The following RBFOX1 variants were observed in gnomAD, a reference collection of about 807,000 sequenced individuals.
The protein encoded by RBFOX1 is RNA binding fox-1 homolog 1.
Under a neutral mutation model 57.7 loss-of-function variants are expected in RBFOX1, and 8 were observed. That is an observed-to-expected ratio of 0.14 (90% confidence interval 0.08 to 0.25). The LOEUF (loss-of-function observed/expected upper bound fraction) is 0.25. Ranked by LOEUF, RBFOX1 falls within the 10% of genes least tolerant of loss-of-function variation. RBFOX1 has a pLI of 1.00. For missense variants in RBFOX1, 611 were observed against 548.5 expected (o/e 1.11, Z -1.14); for synonymous variants, 326 against 222.4 (o/e 1.47, Z -4.15).
chr16:6,741,842 G>T (rs368432175), intron 3 of RBFOX1, among the ~76,000 whole-genome samples: 11 of 152,090 alleles, frequency 7.2e-5, no homozygotes, highest in African/African-American at 2.7e-4. Flanking sequence ...AAGGGTAAAG[G>T]GTTAGAGAAA....
intron 4 of RBFOX1, among the ~76,000 whole-genome samples, chr16:7,145,812 C>T (rs545829212): frequency 1.3e-5 from 2 of 152,106 alleles, no homozygotes; most frequent in Admixed American, 6.5e-5. Flanking sequence ...TTTGTGTTCC[C>T]GCACACACAC....
At position 6,069,398 on chromosome 16, in the gene RBFOX1, C is replaced by CAAA. The variant is rs34337622; in HGVS notation, c.-127+49422_-127+49424dup. The stretch of plus-strand genomic sequence containing the variant: ...GGGCAACAAGAGCGAAACTCTGCCT[C>CAAA]AAAAAAAAAAAAAAAAAAGGGAGGG... On this transcript the variant is annotated intron_variant, in intron 1 of 15. Transcript: ENST00000550418. Among the ~76,000 whole-genome samples, 163 of 113,918 alleles carry CAAA rather than the reference C, an allele frequency of 1.4e-3. 1 individual carries two copies. Among genetic ancestry groups the CAAA allele is most frequent in the African/African-American group, 3.2e-3 (96 of 29,584 alleles). 74.7% of individuals were successfully genotyped at this position (113,918 alleles called of 152,430 possible).
chr16:7,312,717 C>T lies in RBFOX1; in HGVS notation c.28-205430C>T, dbSNP rs573192575. Among the ~76,000 whole-genome samples the T allele has an allele frequency of 7.2e-5, 11 of 152,264 alleles. No homozygotes were observed. The South Asian group carries it at 1.7e-3, about 23-fold the overall frequency. ...AAAATTGTCTTGCTCTTGTCAGTAG[C>T]GAAGTTATTTACTTTCAAAAGCTGA... On this transcript the variant is annotated intron_variant, in intron 4 of 15. Transcript: ENST00000550418.
chr16:6,141,428 T>A (rs2096715163), intron 1 of RBFOX1, among the ~76,000 whole-genome samples: 2 of 152,160 alleles, frequency 1.3e-5, no homozygotes, highest in South Asian at 4.1e-4. Flanking sequence ...CCCCCTGGGT[T>A]ATCTGTTAGG....
At chr16:7,005,298 C>T (rs544890436) in intron 3 of RBFOX1, among the ~76,000 whole-genome samples, 3 of 152,170 alleles carry the variant, frequency 2.0e-5, no homozygotes, top group Non-Finnish European at 4.4e-5. Flanking sequence ...CCATTCCAGT[C>T]ATCTTCCTCC....
In RBFOX1 at chr16:5,403,812, T is replaced by C. The variant is rs541554386; in HGVS notation, c.220-63404T>C. On this transcript the variant is annotated intron_variant, in intron 1 of 2. Transcript: ENST00000585867. ...AATCCCCACTGCTCTATTCAGTGATTTCCTGCCTCACTCCTGGGTCCCAAC... is the reference window on the plus strand; with the variant it reads ...AATCCCCACTGCTCTATTCAGTGATCTCCTGCCTCACTCCTGGGTCCCAAC... 5.9e-5 allele frequency among the ~76,000 whole-genome samples: 9 copies of C among 152,238 alleles called. No individual in the cohort carries two copies. The South Asian group carries it at 6.2e-4, about 11-fold the overall frequency.
intron 2 of RBFOX1, among the ~76,000 whole-genome samples, chr16:6,414,485 A>G (rs570133690): frequency 2.6e-5 from 4 of 152,330 alleles, no homozygotes; most frequent in Admixed American, 6.5e-5. Flanking sequence ...GTTGGGAGAG[A>G]GGCAGATATT....
intron 5 of RBFOX1, among the ~76,000 whole-genome samples, chr16:7,567,258 T>TATATATCC (rs1567864839): frequency 8.8e-5 from 12 of 136,128 alleles, no homozygotes; most frequent in East Asian, 6.3e-4. Context: ...TCCCTATATA[T>TATATATCC]ATATATCCCT....
Position 5,830,134 on chromosome 16 carries a change from C to G in RBFOX1, c.319-37169C>G, listed in dbSNP as rs9922593. ...TGGGCTGCAATGCTCATTTGCAAAT[C>G]GTCCTGGATACATTGGCAGCTCAGG... On this transcript the variant is annotated intron_variant, in intron 3 of 19. Transcript: ENST00000641259. 1.5e-3 allele frequency among the ~76,000 whole-genome samples: 236 copies of G among 152,286 alleles called. 1 individual carries two copies. Among genetic ancestry groups the G allele is most frequent in the African/African-American group, 5.5e-3 (227 of 41,554 alleles).
At chr16:7,648,129 G>A (rs2064128781) in intron 11 of RBFOX1, among the ~76,000 whole-genome samples, 2 of 152,194 alleles carry the variant, frequency 1.3e-5, no homozygotes, top group African/African-American at 4.8e-5. Flanking sequence ...GTGTGCATGT[G>A]TGTATTTTGC....
chr16:7,265,407 GTTTTC>G (rs1174743491), intron 4 of RBFOX1, among the ~76,000 whole-genome samples: 10 of 151,300 alleles, frequency 6.6e-5, no homozygotes, highest in African/African-American at 1.7e-4. Flanking sequence ...TTTTCTTTAT[GTTTTC>G]TTTTCTTTTC....
intron 3 of RBFOX1, among the ~76,000 whole-genome samples, chr16:6,949,983 G>A (rs945797605): frequency 6.7e-6 from 1 of 150,238 alleles, no homozygotes. Context: ...GTCTTGCTCT[G>A]TTGCCCAGGC....
At chr16:6,015,672 C>T (rs1463531729), upstream of RBFOX1, among the ~76,000 whole-genome samples, 1 of 152,206 alleles carries the variant, frequency 6.6e-6, no homozygotes, top group East Asian at 1.9e-4. Flanking sequence ...CTTTCATAAG[C>T]TGTATTCTCC....
At chr16:6,317,111 T>A in intron 2 of RBFOX1, 54 bp downstream of exon 2, 1 of 1,443,356 alleles carries the variant, frequency 6.9e-7, no homozygotes, top group Non-Finnish European at 9.4e-7. Context: ...ATGTCTTTGA[T>A]CCTGTTCTCT....
chr16:5,431,599 T>C (rs899692980), intron 1 of RBFOX1, among the ~76,000 whole-genome samples: 19 of 152,116 alleles, frequency 1.2e-4, no homozygotes, highest in Non-Finnish European at 5.9e-5. Flanking sequence ...GGTCTCGAAC[T>C]CCTGACCTTG....
chr16:7,246,579 C>A (rs1371350727), intron 4 of RBFOX1, among the ~76,000 whole-genome samples: 1 of 151,070 alleles, frequency 6.6e-6, no homozygotes, highest in Admixed American at 6.6e-5. Context: ...TATTATGAAC[C>A]TAGGGCTTTT....
intron 4 of RBFOX1, among the ~76,000 whole-genome samples, chr16:7,256,605 C>T (rs1397215420): frequency 1.3e-5 from 2 of 152,122 alleles, no homozygotes; most frequent in Admixed American, 1.3e-4. Flanking sequence ...TGGTGGCCTT[C>T]TGGATGGCCA....
intron 14 of RBFOX1, among the ~76,000 whole-genome samples, chr16:7,699,953 T>C (rs1048813861): frequency 6.6e-6 from 1 of 152,138 alleles, no homozygotes; most frequent in Non-Finnish European, 1.5e-5. Flanking sequence ...AATCTGGACA[T>C]TGTCAGTGTC....
rs1215146639 is a variant in RBFOX1, at chr16:6,563,306, G to A, written c.-63-91297G>A. ...TATTCTTTATGAACATTTACTGAGA[G>A]CTTACAATGGGCCAGGCACTATTCT... On this transcript the variant is annotated intron_variant, in intron 2 of 15. Coordinates refer to ENST00000550418, the MANE Select transcript of RBFOX1 (RefSeq NM_018723.4). Among the ~76,000 whole-genome samples, 3 of 152,154 alleles carry A rather than the reference G, an allele frequency of 2.0e-5. No homozygotes were observed. In the East Asian group the frequency reaches 5.8e-4, roughly 29 times the overall value.
Sources: gnomAD v4.1 joint callset for allele counts (sites outside exome capture counted in the v4.1 genomes callset) on GRCh38, gnomAD v4.1.1 for gene constraint, MANE v1.5 for transcripts, NCBI Gene and HGNC (gene_info 2026-07-23, HGNC 2026-07-21) for gene names.